The following RHBDD1 variants were observed in gnomAD, a reference collection of about 807,000 sequenced individuals.
RHBDD1 encodes rhomboid domain containing 1.
In RHBDD1, 38 loss-of-function variants were observed where a neutral mutation model predicts 36.3. That is an observed-to-expected ratio of 1.05 (90% confidence interval 0.81 to 1.37). The LOEUF (loss-of-function observed/expected upper bound fraction) is 1.37, where lower values mean the gene tolerates loss of function less well. Among genes scored for constraint, RHBDD1 ranks in the 40% most tolerant of loss-of-function variants. The pLI is 0.00. For synonymous variants in RHBDD1, 151 were observed against 136.5 expected (o/e 1.11, Z -0.74); for missense variants, 393 against 377.6 (o/e 1.04, Z -0.34).
intron 5 of RHBDD1, among the ~76,000 whole-genome samples, chr2:226,902,130 A>G (rs1947647061): frequency 6.6e-6 from 1 of 152,190 alleles, no homozygotes; most frequent in Admixed American, 6.5e-5. Context: ...TAGTTGCAGG[A>G]TTGTCCCTGA....
chr2:226,869,195 A>G (rs1944580227), intron 5 of RHBDD1: 1 of 985,100 alleles, frequency 1.0e-6, no homozygotes, highest in Non-Finnish European at 1.2e-6. Flanking sequence ...TGTCATATGC[A>G]TATTCTTTGT....
chr2:226,963,899 C>T (rs1226968294), intron 8 of RHBDD1, among the ~76,000 whole-genome samples: 1 of 152,164 alleles, frequency 6.6e-6, no homozygotes, highest in African/African-American at 2.4e-5. Context: ...TACTCACCAC[C>T]CCCTACTTAA....
intron 5 of RHBDD1, among the ~76,000 whole-genome samples, chr2:226,878,822 A>G (rs907195841): frequency 3.3e-5 from 5 of 152,204 alleles, no homozygotes; most frequent in African/African-American, 2.4e-5. Context: ...AATGGCAACC[A>G]TGAGTTGAAT....
In RHBDD1 at chr2:226,995,861, T is replaced by C. The variant is rs143376654; in HGVS notation, c.*339T>C. ...GTGACCTTCACCAGGAGGTTTTACT[T>C]ACACCAGTCGGGAAGATTAGTCCCT... On this transcript the variant is annotated 3_prime_UTR_variant, in exon 9 of 9. Transcript: ENST00000392062. 1 of 257,150 alleles carries C rather than the reference T, an allele frequency of 3.9e-6. No individual in the cohort carries two copies. 15.9% of individuals were successfully genotyped at this position (257,150 alleles called of 1,614,324 possible).
chr2:226,901,688 A>G (rs936541128), intron 5 of RHBDD1, among the ~76,000 whole-genome samples: 1 of 152,170 alleles, frequency 6.6e-6, no homozygotes, highest in Non-Finnish European at 1.5e-5. Flanking sequence ...GGAAATAGCA[A>G]AATGAAAAGG....
Position 226,943,257 on chromosome 2 carries a change from T to C in RHBDD1, c.856+28906T>C, listed in dbSNP as rs186583042. Among the ~76,000 whole-genome samples the C allele has an allele frequency of 1.8e-3, 268 of 152,286 alleles. 6 individuals are homozygous for C. The highest frequency in any genetic ancestry group is 9.2e-4 in the Admixed American group (14 of 15,290). On this transcript the variant is annotated intron_variant, in intron 8 of 8. Coordinates refer to ENST00000392062, the MANE Select transcript of RHBDD1 (RefSeq NM_001167608.3). ...CTCCTTAATAGATACCTGGCCCAAA[T>C]TGTGCAAAAGTATAAAGATTACTAT...
chr2:226,955,297 G>A (rs1487971367), intron 8 of RHBDD1, among the ~76,000 whole-genome samples: 1 of 152,240 alleles, frequency 6.6e-6, no homozygotes, highest in East Asian at 1.9e-4. Flanking sequence ...CTGGAACCAC[G>A]TAAGGTAGCA....
chr2:226,871,087 A>G (rs1056474539), intron 5 of RHBDD1, among the ~76,000 whole-genome samples: 4 of 152,214 alleles, frequency 2.6e-5, no homozygotes, highest in African/African-American at 9.7e-5. Flanking sequence ...CTTTGACCCA[A>G]CTAAAAATTA....
At chr2:226,926,584 G>T (rs1023507796) in intron 8 of RHBDD1, among the ~76,000 whole-genome samples, 2 of 152,088 alleles carry the variant, frequency 1.3e-5, no homozygotes, top group African/African-American at 4.8e-5. Context: ...TTGGATTTGG[G>T]TTACACATTT....
chr2:226,931,400 A>G (rs1950023231), intron 8 of RHBDD1, among the ~76,000 whole-genome samples: 1 of 152,126 alleles, frequency 6.6e-6, no homozygotes, highest in Non-Finnish European at 1.5e-5. Flanking sequence ...ATAGAAAACC[A>G]AATACCATAT....
chr2:226,907,696 C>A (rs1436593052), intron 6 of RHBDD1, among the ~76,000 whole-genome samples: 1 of 152,172 alleles, frequency 6.6e-6, no homozygotes, highest in Non-Finnish European at 1.5e-5. Flanking sequence ...GCTTTCCAGG[C>A]ACTGCACTGG....
intron 8 of RHBDD1, among the ~76,000 whole-genome samples, chr2:226,962,683 A>G (rs1406326565): frequency 1.3e-5 from 2 of 152,258 alleles, no homozygotes. Flanking sequence ...CTGGAAAGAA[A>G]CAAGAAAATG....
At chr2:226,807,975 A>C in the RHBDD1 span, among the ~76,000 whole-genome samples, 5 of 151,882 alleles carry the variant, frequency 3.3e-5, no homozygotes, top group South Asian at 4.1e-4. Context: ...ACGTCACGCC[A>C]CTGCACTCTA....
chr2:226,968,947 A>G (rs1051987357), intron 8 of RHBDD1: 9 of 156,698 alleles, frequency 5.7e-5, no homozygotes, highest in African/African-American at 1.2e-4. Context: ...AAACAGTTAA[A>G]CATTGTGAAT....
intron 5 of RHBDD1, among the ~76,000 whole-genome samples, chr2:226,904,570 T>G (rs1358683744): frequency 6.6e-6 from 1 of 152,300 alleles, no homozygotes; most frequent in South Asian, 2.1e-4. Flanking sequence ...CGTGTGCATG[T>G]ATGTGAGGGC....
chr2:226,872,744 T>G (rs2125311639), intron 5 of RHBDD1, among the ~76,000 whole-genome samples: 1 of 152,360 alleles, frequency 6.6e-6, no homozygotes, highest in South Asian at 2.1e-4. Flanking sequence ...AATGTTCTTA[T>G]GATGCAGTCC....
chr2:226,943,906 A>C (rs984424317), intron 8 of RHBDD1, among the ~76,000 whole-genome samples: 1 of 152,132 alleles, frequency 6.6e-6, no homozygotes, highest in African/African-American at 2.4e-5. Context: ...AAACCACATA[A>C]ACAGTGCTTC....
intron 5 of RHBDD1, among the ~76,000 whole-genome samples, chr2:226,869,405 A>G (rs1030989037): frequency 6.6e-6 from 1 of 152,246 alleles, no homozygotes; most frequent in Admixed American, 6.5e-5. Context: ...TTTGAGATGG[A>G]TCTCGGAAGA....
chr2:226,822,272 C>G, the RHBDD1 span, among the ~76,000 whole-genome samples: 1 of 152,210 alleles, frequency 6.6e-6, no homozygotes, highest in East Asian at 1.9e-4. Context: ...ATTAATTTTA[C>G]AGCTCTGGGC....
Sources: allele counts gnomAD v4.1 joint callset (sites outside exome capture counted in the v4.1 genomes callset), GRCh38; gene constraint gnomAD v4.1.1; transcripts MANE v1.5; gene names NCBI Gene and HGNC (gene_info 2026-07-23, HGNC 2026-07-21).